ACTL8: variants seen among roughly 807,000 people sequenced by gnomAD.
ACTL8 encodes the protein actin like 8, also known as actin-like protein 8.
In ACTL8, 3 loss-of-function variants were observed where a neutral mutation model predicts 9.3. The ratio of observed to expected loss-of-function variants is 0.32; its 90% confidence interval spans 0.15 to 0.83. ACTL8 has a LOEUF of 0.83. ACTL8 is among the 40% of genes least tolerant of loss of function. ACTL8 has a pLI of 0.57. For missense variants in ACTL8, 381 were observed against 492.2 expected (o/e 0.77, Z 2.14); for synonymous variants, 224 against 205.9 (o/e 1.09, Z -0.75).
At chr1:17,801,774 C>A (rs1349024568) in intron 1 of ACTL8, among the ~76,000 whole-genome samples, 1 of 151,974 alleles carries the variant, frequency 6.6e-6, no homozygotes, top group Non-Finnish European at 1.5e-5. Flanking sequence ...CATTAAGAAG[C>A]AAAATACAAA....
chr1:17,780,621 GGAT>G (rs1231731962), intron 1 of ACTL8, among the ~76,000 whole-genome samples: 1 of 152,112 alleles, frequency 6.6e-6, no homozygotes, highest in Non-Finnish European at 1.5e-5. Flanking sequence ...TTTATTAATA[GGAT>G]GTGGGAGGTG....
At chr1:17,778,924 GA>G (rs2066134299) in intron 1 of ACTL8, among the ~76,000 whole-genome samples, 1 of 152,170 alleles carries the variant, frequency 6.6e-6, no homozygotes. Context: ...GGGAATGATA[GA>G]GGGGCTGATG....
At chr1:17,774,387 G>A (rs555398786) in intron 1 of ACTL8, among the ~76,000 whole-genome samples, 22 of 152,076 alleles carry the variant, frequency 1.4e-4, no homozygotes, top group South Asian at 6.2e-4. Flanking sequence ...TAGGTGCTCC[G>A]TAAATATCAG....
rs1037902980 is a variant in ACTL8 at position 17,786,678 on chromosome 1, C to T, written c.-25+31174C>T. On this transcript the variant is annotated intron_variant, in intron 1 of 2. Transcript: ENST00000375406. Reference sequence around the variant, plus strand: ...CTTCTTTACGTACATATGCAAATGCCTTTTGATAGACAATTTTATTTTTAA... The same window carrying T: ...CTTCTTTACGTACATATGCAAATGCTTTTTGATAGACAATTTTATTTTTAA... Among the ~76,000 whole-genome samples the T allele has an allele frequency of 7.9e-5, 12 of 152,164 alleles. No individual in the cohort carries two copies. The East Asian group carries it at 1.7e-3, about 22-fold the overall frequency.
Position 17,818,451 on chromosome 1 carries a change from C to T in ACTL8, c.-24-4534C>T, listed in dbSNP as rs771107600. 3.9e-5 allele frequency among the ~76,000 whole-genome samples: 6 copies of T among 152,332 alleles called. No homozygotes were observed. In the East Asian group the frequency reaches 5.8e-4, roughly 15 times the overall value. ...ATTCCTCTGGCCAAGCCCCCAGTGGCCTCCCACATCTGCAAGCATGATACA... is the reference window on the plus strand; with the variant it reads ...ATTCCTCTGGCCAAGCCCCCAGTGGTCTCCCACATCTGCAAGCATGATACA... On this transcript the variant is annotated intron_variant, in intron 1 of 2. Coordinates refer to ENST00000375406, the MANE Select transcript of ACTL8 (RefSeq NM_030812.3).
intron 1 of ACTL8, among the ~76,000 whole-genome samples, chr1:17,818,740 G>A (rs2053617916): frequency 6.6e-6 from 1 of 152,186 alleles, no homozygotes; most frequent in Non-Finnish European, 1.5e-5. Context: ...GTGCCTCTGT[G>A]CCTCTTGAGT....
chr1:17,788,517 C>T (rs981387609), intron 1 of ACTL8, among the ~76,000 whole-genome samples: 4 of 152,236 alleles, frequency 2.6e-5, no homozygotes, highest in East Asian at 1.9e-4. Context: ...CTGCCATGGA[C>T]GGCCTCATCC....
At chr1:17,798,695 C>T (rs973325433) in intron 1 of ACTL8, among the ~76,000 whole-genome samples, 1 of 152,180 alleles carries the variant, frequency 6.6e-6, no homozygotes, top group African/African-American at 2.4e-5. Flanking sequence ...TTTGTTCCCC[C>T]AGGTAAAACA....
intron 1 of ACTL8, among the ~76,000 whole-genome samples, chr1:17,807,852 G>A (rs2066369200): frequency 6.6e-6 from 1 of 151,678 alleles, no homozygotes; most frequent in Non-Finnish European, 1.5e-5. Flanking sequence ...GGGGGGTGGG[G>A]AGCTGGGGGA....
At chr1:17,803,128 G>A (rs557022572) in intron 1 of ACTL8, among the ~76,000 whole-genome samples, 13 of 152,046 alleles carry the variant, frequency 8.6e-5, no homozygotes, top group East Asian at 1.9e-4. Flanking sequence ...TCACGGAGGC[G>A]GTTACCCCCA....
intron 1 of ACTL8, among the ~76,000 whole-genome samples, chr1:17,809,087 T>A (rs1380464218): frequency 6.6e-6 from 1 of 152,200 alleles, no homozygotes; most frequent in Non-Finnish European, 1.5e-5. Flanking sequence ...AATGTATTTT[T>A]AAAAATTTAT....
At position 17,791,919 on chromosome 1, in the gene ACTL8, G is replaced by A. The variant is rs774209589; in HGVS notation, c.-24-31066G>A. Among the ~76,000 whole-genome samples the A allele has an allele frequency of 7.1e-4, 108 of 152,216 alleles. 2 individuals are homozygous for A. Among genetic ancestry groups the A allele is most frequent in the Non-Finnish European group, 2.5e-4 (17 of 68,038 alleles). On this transcript the variant is annotated intron_variant, in intron 1 of 2. Transcript: ENST00000375406. ...AACTTGATTTCTTCCAACTGAAGCC[G>A]GGACTCCCATTCCTGCCACCATCTC...
chr1:17,777,298 T>C (rs1295359247), intron 1 of ACTL8, among the ~76,000 whole-genome samples: 1 of 152,136 alleles, frequency 6.6e-6, no homozygotes, highest in Non-Finnish European at 1.5e-5. Context: ...CCTGGTTGTT[T>C]ACATCGTAGA....
At chr1:17,791,210 G>C (rs2066237044) in intron 1 of ACTL8, among the ~76,000 whole-genome samples, 1 of 152,134 alleles carries the variant, frequency 6.6e-6, no homozygotes, top group Non-Finnish European at 1.5e-5. Context: ...ACTCGGAAGG[G>C]GCAGGCCTCC....
At chr1:17,791,300 G>A (rs960397867) in intron 1 of ACTL8, among the ~76,000 whole-genome samples, 3 of 152,188 alleles carry the variant, frequency 2.0e-5, no homozygotes, top group African/African-American at 7.2e-5. Context: ...CGTGATGGCA[G>A]CAGCTGCTTC....
At chr1:17,760,724 A>T (rs1354331569) in intron 1 of ACTL8, among the ~76,000 whole-genome samples, 3 of 75,870 alleles carry the variant, frequency 4.0e-5, no homozygotes, top group Admixed American at 3.3e-4. Context: ...CATCCCTCAG[A>T]GGAGTGGGTG....
At chr1:17,796,919 C>T (rs2066281604) in intron 1 of ACTL8, among the ~76,000 whole-genome samples, 1 of 152,194 alleles carries the variant, frequency 6.6e-6, no homozygotes, top group South Asian at 2.1e-4. Context: ...GTGGGCCAGC[C>T]CTGAGGGCCT....
chr1:17,822,552 G>A (rs1414621136), intron 1 of ACTL8, among the ~76,000 whole-genome samples: 1 of 152,170 alleles, frequency 6.6e-6, no homozygotes, highest in Non-Finnish European at 1.5e-5. Flanking sequence ...GAAGGTGGTG[G>A]CTCTGAGGCT....
chr1:17,769,450 T>C (rs1314217733), intron 1 of ACTL8, among the ~76,000 whole-genome samples: 1 of 152,184 alleles, frequency 6.6e-6, no homozygotes, highest in Non-Finnish European at 1.5e-5. Flanking sequence ...TAACCCACCT[T>C]CTAGACTTTC....
Sources: allele counts gnomAD v4.1 joint callset (sites outside exome capture counted in the v4.1 genomes callset), GRCh38; gene constraint gnomAD v4.1.1; transcripts MANE v1.5; gene names NCBI Gene and HGNC (gene_info 2026-07-23, HGNC 2026-07-21).